The following SH3GLB2 variants were observed in gnomAD, a reference collection of about 807,000 sequenced individuals.
SH3GLB2 encodes the protein SH3 domain containing GRB2 like, endophilin B2.
A neutral mutation model predicts 48.0 loss-of-function variants in SH3GLB2; 24 were observed. That is an observed-to-expected ratio of 0.50 (90% CI 0.36 to 0.70). The LOEUF (loss-of-function observed/expected upper bound fraction) is 0.70, where lower values mean the gene tolerates loss of function less well. Ranked by LOEUF, SH3GLB2 falls within the 30% of genes least tolerant of loss-of-function variation. The pLI is 0.00. For missense variants in SH3GLB2, 425 were observed against 516.0 expected (o/e 0.82, Z 1.71); for synonymous variants, 227 against 207.6 (o/e 1.09, Z -0.80).
At chr9:129,020,943 CTT>C in intron 3 of SH3GLB2, 146 bp downstream of exon 3, 1 of 1,020,438 alleles carries the variant, frequency 9.8e-7, no homozygotes, top group Non-Finnish European at 1.3e-6. Flanking sequence ...ATTTTTTACT[CTT>C]TTTTTCTGCG....
chr9:129,018,115 G>C (rs1027629911), intron 3 of SH3GLB2, among the ~76,000 whole-genome samples: 2 of 151,780 alleles, frequency 1.3e-5, no homozygotes, highest in Admixed American at 1.3e-4. Context: ...TACTAACATA[G>C]CACGACATGT....
chr9:129,009,295 G>A lies in SH3GLB2; in HGVS notation c.891C>T (p.Ser297=), dbSNP rs1842955663. The A allele has an allele frequency of 6.4e-7, 1 of 1,551,986 alleles. No individual in the cohort carries two copies. Among genetic ancestry groups the A allele is most frequent in the Non-Finnish European group, 8.7e-7 (1 of 1,146,766 alleles). The change falls in exon 10 of 11, where the codon AGC becomes AGT. Residue 297 remains serine (S), a synonymous_variant. Transcript: ENST00000372564. ...GTTEPASPPL[S]STSPTTAAAT... ...CCGCAGCAGTGGTGGGTGAGGTGCT[G>A]CTCAGGGGTGGGGAGGCGGGCTCTG...
intron 3 of SH3GLB2, among the ~76,000 whole-genome samples, chr9:129,020,424 C>A (rs1017102384): frequency 1.3e-5 from 2 of 151,028 alleles, no homozygotes; most frequent in Admixed American, 6.6e-5. Context: ...CAAAAATTAG[C>A]TGGGTGTGGT....
chr9:129,009,810 C>T lies in SH3GLB2; in HGVS notation c.800G>A (p.Cys267Tyr). Reference sequence around the variant, plus strand: ...CTGCAAGTCCAGCATGTGGCGGTAGCACTGTGCGTAGTAGGTTGTCTGAGA... The same window carrying T: ...CTGCAAGTCCAGCATGTGGCGGTAGTACTGTGCGTAGTAGGTTGTCTGAGA... ...VKSQTTYYAQ[C>Y]YRHMLDLQKQ... is the part of the protein sequence containing the mutation. Residue 267 changes from cysteine to tyrosine, a missense_variant, in exon 9 of 11, where the codon TGC (cysteine) becomes TAC (tyrosine). By Grantham distance (194) the Cys-to-Tyr change is radical. Transcript: ENST00000372564. 2 of 1,613,948 alleles carry T rather than the reference C, an allele frequency of 1.2e-6. No homozygotes were observed. Among genetic ancestry groups the T allele is most frequent in the East Asian group, 2.2e-5 (1 of 44,872 alleles).
Position 129,016,069 on chromosome 9 carries a change from G to A in SH3GLB2, c.335-1165C>T, listed in dbSNP as rs563388819. Among the ~76,000 whole-genome samples, 12 of 152,228 alleles carry A rather than the reference G, an allele frequency of 7.9e-5. No homozygotes were observed. The East Asian group carries it at 1.2e-3, about 15-fold the overall frequency. ...TTCAAAAGTGAAGGCAAGGCCGGGC[G>A]CAGTGGCTCACGCCTGTAATTCTAG... is the stretch of plus-strand genomic sequence containing the variant. On this transcript the variant is annotated intron_variant, in intron 3 of 10. Transcript: ENST00000372564.
rs1842866321 is a variant in SH3GLB2 at position 129,008,118 on chromosome 9, G to A, written c.*566C>T. On this transcript the variant is annotated 3_prime_UTR_variant, in exon 11 of 11. Transcript: ENST00000372564. ...ACCAGATAAAAAGTGAGTGTGGAGA[G>A]GTGAAGACTGCGGCCGCTGGACTTG... 6.4e-6 allele frequency: 1 copy of A among 156,788 alleles called. No individual in the cohort carries two copies. Among genetic ancestry groups the A allele is most frequent in the Admixed American group, 6.1e-5 (1 of 16,328 alleles). 9.7% of individuals were successfully genotyped at this position (156,788 alleles called of 1,614,324 possible). A position where few individuals can be genotyped will look rare whatever the true frequency, so the allele number is the denominator to read the frequency against.
At chr9:129,012,206 A>AGGGGTGGGGTG (rs1184584678) in intron 6 of SH3GLB2, 30 bp downstream of exon 6, 3 of 392,856 alleles carry the variant, frequency 7.6e-6, no homozygotes, top group African/African-American at 1.1e-4. Context: ...GAGGAGGACG[A>AGGGGTGGGGTG]GGGGTGGGGT....
At chr9:129,017,901 CA>C (rs900509486) in intron 3 of SH3GLB2, among the ~76,000 whole-genome samples, 1,646 of 64,824 alleles carry the variant, frequency 0.025, 20 homozygotes, top group East Asian at 0.068. Context: ...CCGTCTCAAA[CA>C]AAAAAAAAAA....
intron 3 of SH3GLB2, chr9:129,015,788 C>A: frequency 3.5e-6 from 1 of 289,648 alleles, no homozygotes. Context: ...TCATTTGAAC[C>A]CAGGAGTTTG....
intron 1 of SH3GLB2, among the ~76,000 whole-genome samples, chr9:129,026,677 T>A (rs1269978860): frequency 6.6e-6 from 1 of 152,006 alleles, no homozygotes; most frequent in East Asian, 1.9e-4. Flanking sequence ...CCTGGCCAGG[T>A]CAGGCAGCAG....
chr9:129,020,232 A>AAAAAAAG (rs1843701160), intron 3 of SH3GLB2, among the ~76,000 whole-genome samples: 1 of 144,918 alleles, frequency 6.9e-6, no homozygotes, highest in Non-Finnish European at 1.5e-5. Context: ...AAAAAAAAAA[A>AAAAAAAG]GTCAGGTTCC....
At chr9:129,021,376 T>C (rs1843784762) in intron 2 of SH3GLB2, among the ~76,000 whole-genome samples, 157 bp from the exon 3 acceptor site, 1 of 152,196 alleles carries the variant, frequency 6.6e-6, no homozygotes, top group Non-Finnish European at 1.5e-5. Flanking sequence ...ACTGTTGTGA[T>C]TGACCCAGCA....
chr9:129,025,263 C>CAA (rs530346854), intron 1 of SH3GLB2, among the ~76,000 whole-genome samples: 6 of 33,428 alleles, frequency 1.8e-4, no homozygotes, highest in Admixed American at 3.2e-4. Context: ...GACTCCGTCT[C>CAA]AAAAAAAAAA....
chr9:129,010,062 A>G (rs1843020768), intron 8 of SH3GLB2, 58 bp downstream of exon 8: 4 of 1,549,148 alleles, frequency 2.6e-6, no homozygotes, highest in Non-Finnish European at 3.6e-6. Flanking sequence ...CTTGTGGTTC[A>G]GGCACACCTG....
chr9:129,009,308 G>A lies in SH3GLB2; in HGVS notation c.878C>T (p.Ser293Phe), dbSNP rs1343470969. 1 of 1,546,348 alleles carries A rather than the reference G, an allele frequency of 6.5e-7. No individual in the cohort carries two copies. Among genetic ancestry groups the A allele is most frequent in the Admixed American group, 2.0e-5 (1 of 50,848 alleles). The change falls in exon 10 of 11, where the codon TCC (serine) becomes TTC (phenylalanine). Residue 293 changes from serine (S) to phenylalanine (F), a missense_variant. Transcript: ENST00000372564. ...GTFVGTTEPA[S>F]PPLSSTSPTT... ...GGGTGAGGTGCTGCTCAGGGGTGGGGAGGCGGGCTCTGTGGTGCCCACGAA... is the reference window on the plus strand; with the variant it reads ...GGGTGAGGTGCTGCTCAGGGGTGGGAAGGCGGGCTCTGTGGTGCCCACGAA...
chr9:129,010,621 C>T, intron 7 of SH3GLB2, 49 bp downstream of exon 7: 2 of 1,606,646 alleles, frequency 1.2e-6, no homozygotes, highest in South Asian at 1.1e-5. Context: ...TGTGCCTGCA[C>T]CCCGCCACCC....
chr9:129,015,224 C>T (rs1052994877), intron 3 of SH3GLB2, among the ~76,000 whole-genome samples: 2 of 152,182 alleles, frequency 1.3e-5, no homozygotes, highest in Non-Finnish European at 2.9e-5. Context: ...ACGCCAGGTG[C>T]GGTGGCTCAC....
At chr9:129,016,080 C>T (rs1392264527) in intron 3 of SH3GLB2, among the ~76,000 whole-genome samples, 4 of 152,058 alleles carry the variant, frequency 2.6e-5, no homozygotes, top group East Asian at 3.9e-4. Context: ...CAGTGGCTCA[C>T]GCCTGTAATT....
intron 2 of SH3GLB2, 101 bp downstream of exon 2, chr9:129,022,181 G>A: frequency 1.3e-6 from 2 of 1,498,024 alleles, no homozygotes; most frequent in Non-Finnish European, 1.8e-6. Flanking sequence ...TGAAACCCCG[G>A]CTGCAGCCCC....
Sources: allele counts gnomAD v4.1 joint callset (sites outside exome capture counted in the v4.1 genomes callset), GRCh38; gene constraint gnomAD v4.1.1; transcripts MANE v1.5; gene names NCBI Gene and HGNC (gene_info 2026-07-23, HGNC 2026-07-21).